The following NRF1 variants were observed in gnomAD, a reference collection of about 807,000 sequenced individuals.
NRF1 encodes nuclear respiratory factor 1.
NRF1 carries 5 observed loss-of-function variants against 58.5 expected under a neutral mutation model. The observed-to-expected ratio is 0.09, with a 90% CI of 0.04 to 0.18. The LOEUF is 0.18. Ranked by LOEUF, NRF1 falls within the 10% of genes least tolerant of loss-of-function variation. The pLI, the probability that NRF1 is intolerant of heterozygous loss-of-function variation, is 1.00. For synonymous variants in NRF1, 224 were observed against 246.7 expected, an observed-to-expected ratio of 0.91 and a Z score of 0.86; for missense variants, 288 against 657.7, an observed-to-expected ratio of 0.44 and a Z score of 6.15.
intron 1 of NRF1, among the ~76,000 whole-genome samples, chr7:129,650,172 C>CT (rs547552443): frequency 0.023 from 3,219 of 141,462 alleles, 85 homozygotes; most frequent in African/African-American, 0.076. Context: ...TTTCTTTTTC[C>CT]TTTTTTTTTT....
At chr7:129,745,503 T>TC (rs1803953473) in intron 10 of NRF1, among the ~76,000 whole-genome samples, 87 of 62,626 alleles carry the variant, frequency 1.4e-3, no homozygotes, top group Non-Finnish European at 1.9e-3. Flanking sequence ...ACCATCCCCC[T>TC]CAACCCCCCC....
chr7:129,658,578 G>A (rs906637862), intron 2 of NRF1, among the ~76,000 whole-genome samples: 1 of 149,606 alleles, frequency 6.7e-6, no homozygotes, highest in African/African-American at 2.5e-5. Flanking sequence ...GTGACAGAGT[G>A]AGAGCCTGTG....
chr7:129,630,972 A>G (rs1801036376), intron 1 of NRF1, among the ~76,000 whole-genome samples: 2 of 152,330 alleles, frequency 1.3e-5, no homozygotes, highest in Admixed American at 6.5e-5. Context: ...TTAAATCAGT[A>G]TCAAATGCTG....
intron 1 of NRF1, among the ~76,000 whole-genome samples, chr7:129,648,381 G>A (rs113238247): frequency 5.4e-4 from 79 of 146,556 alleles, no homozygotes; most frequent in African/African-American, 1.7e-3. Flanking sequence ...CCGGGTTCAC[G>A]CCATTCTCCT....
At chr7:129,617,370 A>T (rs942927658) in intron 1 of NRF1, among the ~76,000 whole-genome samples, 1 of 152,218 alleles carries the variant, frequency 6.6e-6, no homozygotes, top group African/African-American at 2.4e-5. Context: ...AAATGAGGAA[A>T]TGTCCCAATG....
intron 4 of NRF1, among the ~76,000 whole-genome samples, chr7:129,684,793 A>G (rs1802407827): frequency 6.6e-6 from 1 of 152,230 alleles, no homozygotes; most frequent in Admixed American, 6.5e-5. Flanking sequence ...TACTTCGTCA[A>G]CATATAACTA....
chr7:129,749,254 A>G (rs893855618), intron 10 of NRF1, among the ~76,000 whole-genome samples: 1 of 152,096 alleles, frequency 6.6e-6, no homozygotes. Context: ...AAAAGTGTTG[A>G]ATTTGGGTTC....
At chr7:129,711,111 C>T (rs1213495469) in intron 7 of NRF1, among the ~76,000 whole-genome samples, 1 of 152,130 alleles carries the variant, frequency 6.6e-6, no homozygotes, top group Non-Finnish European at 1.5e-5. Flanking sequence ...TACAGTTTCA[C>T]TCTCAGTGAT....
At chr7:129,695,604 G>T (rs1324502992) in intron 5 of NRF1, among the ~76,000 whole-genome samples, 1 of 148,542 alleles carries the variant, frequency 6.7e-6, no homozygotes, top group African/African-American at 2.5e-5. Flanking sequence ...AAAACTGATT[G>T]TAAAGTAGCA....
chr7:129,663,875 A>G (rs1291573877), intron 2 of NRF1, among the ~76,000 whole-genome samples: 3 of 152,208 alleles, frequency 2.0e-5, no homozygotes, highest in Admixed American at 6.5e-5. Context: ...CTGCAATCCC[A>G]GCACCTCGGG....
intron 10 of NRF1, among the ~76,000 whole-genome samples, chr7:129,750,816 C>T (rs964454604): frequency 6.6e-6 from 1 of 152,072 alleles, no homozygotes; most frequent in African/African-American, 2.4e-5. Flanking sequence ...TGCTTTTTTT[C>T]TGGGCTGGAA....
rs1562957544 is a variant in NRF1 at position 129,642,756 on chromosome 7, A to ACTTTTTTTTTTTTTTTTT, written c.-6-14590_-6-14589insCTTTTTTTTTTTTTTTTT. Among the ~76,000 whole-genome samples the ACTTTTTTTTTTTTTTTTT allele has an allele frequency of 1.1e-4, 15 of 131,698 alleles. 3 individuals are homozygous for ACTTTTTTTTTTTTTTTTT. The highest frequency in any genetic ancestry group is 8.3e-4 in the South Asian group (3 of 3,626). 86.4% of individuals were successfully genotyped at this position (131,698 alleles called of 152,430 possible). On this transcript the variant is annotated intron_variant, in intron 1 of 10. Transcript: ENST00000393232. ...TTCTAAAAGAATACATTCTTTAAAA[A>ACTTTTTTTTTTTTTTTTT]ATTTTTTTTTTTTTTTTTTTAAATG...
chr7:129,694,825 A>G (rs1802650828), intron 5 of NRF1, among the ~76,000 whole-genome samples: 1 of 152,234 alleles, frequency 6.6e-6, no homozygotes, highest in African/African-American at 2.4e-5. Flanking sequence ...CTTTCTCTAG[A>G]TGGCAGGTTG....
intron 3 of NRF1, among the ~76,000 whole-genome samples, chr7:129,675,595 C>G (rs1027594447): frequency 6.6e-6 from 1 of 152,240 alleles, no homozygotes; most frequent in African/African-American, 2.4e-5. Context: ...GCATTAATCT[C>G]CTTGTACGTC....
chr7:129,649,391 A>G (rs965325422), intron 1 of NRF1, among the ~76,000 whole-genome samples: 1 of 152,032 alleles, frequency 6.6e-6, no homozygotes, highest in South Asian at 2.1e-4. Context: ...TTTTCTTTTG[A>G]TATGATAATG....
chr7:129,635,503 C>A (rs73466652), intron 1 of NRF1, among the ~76,000 whole-genome samples: 2,439 of 152,130 alleles, frequency 0.016, 59 homozygotes, highest in African/African-American at 0.053. Context: ...TTTGTACATA[C>A]CCCCAGCTGC....
rs148559525 is a variant in NRF1 at position 129,622,011 on chromosome 7, G to A, written c.-7+10187G>A. On this transcript the variant is annotated intron_variant, in intron 1 of 10. Transcript: ENST00000393232. Reference sequence around the variant, plus strand: ...TTGGTCAGGCTGGTCTAGAACTCACGACCTTGTAATCTGCCCGCCTCGGCC... The same window carrying A: ...TTGGTCAGGCTGGTCTAGAACTCACAACCTTGTAATCTGCCCGCCTCGGCC... Among the ~76,000 whole-genome samples, 321 of 152,052 alleles carry A rather than the reference G, an allele frequency of 2.1e-3. 1 individual carries two copies. The highest frequency in any genetic ancestry group is 6.7e-3 in the African/African-American group (279 of 41,460).
At position 129,671,415 on chromosome 7, in the gene NRF1, C is replaced by T. The variant is rs759538367; in HGVS notation, c.224-14C>T. ...GGCAGCTGCCTAATCTCAGCACATA[C>T]GTTATTATTTCAGGTCCTGTGGGAA... On this transcript the variant is annotated splice_polypyrimidine_tract_variant and intron_variant, in intron 2 of 10. Transcript: ENST00000393232. 2.1e-5 allele frequency: 33 copies of T among 1,568,988 alleles called. No homozygotes were observed. In the Middle Eastern group the frequency reaches 5.0e-4, roughly 24 times the overall value.
intron 10 of NRF1, among the ~76,000 whole-genome samples, chr7:129,739,675 G>A (rs1344740977): frequency 6.6e-6 from 1 of 152,124 alleles, no homozygotes; most frequent in African/African-American, 2.4e-5. Context: ...TGAGACCGGA[G>A]ACAGTGGTGA....
Sources: gnomAD v4.1 joint callset for allele counts (sites outside exome capture counted in the v4.1 genomes callset) on GRCh38, gnomAD v4.1.1 for gene constraint, MANE v1.5 for transcripts, NCBI Gene and HGNC (gene_info 2026-07-23, HGNC 2026-07-21) for gene names.